The following ERBB4 variants were observed in gnomAD, a reference collection of about 807,000 sequenced individuals.
ERBB4 encodes the protein receptor tyrosine-protein kinase erbB-4.
In ERBB4, 42 loss-of-function variants were observed where a neutral mutation model predicts 158.0. That is an observed-to-expected ratio of 0.27 (90% CI 0.21 to 0.34). ERBB4 has a LOEUF of 0.34. Among genes scored for constraint, ERBB4 ranks in the 10% least tolerant of loss-of-function variants. ERBB4 has a pLI of 1.00. For synonymous variants in ERBB4, 583 were observed against 558.7 expected, an observed-to-expected ratio of 1.04 and a Z score of -0.61; for missense variants, 1,333 against 1,624.1, an observed-to-expected ratio of 0.82 and a Z score of 3.08.
At chr2:212,440,337 C>T (rs763340326) in intron 1 of ERBB4, among the ~76,000 whole-genome samples, 9 of 152,186 alleles carry the variant, frequency 5.9e-5, no homozygotes, top group Non-Finnish European at 1.0e-4. Context: ...ACTGGCCTAG[C>T]ATCCCAGGCT....
intron 16 of ERBB4, among the ~76,000 whole-genome samples, chr2:211,641,418 A>G (rs2070584778): frequency 6.6e-6 from 1 of 152,082 alleles, no homozygotes; most frequent in African/African-American, 2.4e-5. Context: ...AACAAACCTT[A>G]AAAATATTTA....
rs2085975965 is a variant in ERBB4 at position 212,286,599 on chromosome 2, T to TTTTGTTTTGTTTTG, written c.83-161697_83-161696insCAAAACAAAACAAA. Among the ~76,000 whole-genome samples the TTTTGTTTTGTTTTG allele has an allele frequency of 1.6e-4, 13 of 83,852 alleles. 1 individual carries two copies. The highest frequency in any genetic ancestry group is 1.1e-3 in the East Asian group (4 of 3,610). 55.0% of individuals were successfully genotyped at this position (83,852 alleles called of 152,430 possible). On this transcript the variant is annotated intron_variant, in intron 1 of 27. Transcript: ENST00000342788. ...GATGATTACATAAGTGCTGACTTTT[T>TTTTGTTTTGTTTTG]TTTTTTTTTTTTTTTTTTTTTGACA...
intron 9 of ERBB4, among the ~76,000 whole-genome samples, chr2:211,706,324 G>T: frequency 6.6e-6 from 1 of 151,886 alleles, no homozygotes; most frequent in Non-Finnish European, 1.5e-5. Context: ...TTCCTTTTTG[G>T]TATGGCGAAT....
chr2:212,133,837 C>T (rs1020647329), intron 1 of ERBB4, among the ~76,000 whole-genome samples: 2 of 152,106 alleles, frequency 1.3e-5, no homozygotes, highest in Admixed American at 1.3e-4. Flanking sequence ...TAAAAGAGAA[C>T]TAGAATGGAG....
intron 19 of ERBB4, among the ~76,000 whole-genome samples, chr2:211,584,080 G>A (rs1017707079): frequency 6.7e-6 from 1 of 148,998 alleles, no homozygotes; most frequent in African/African-American, 2.5e-5. Flanking sequence ...CAAAAGCCAT[G>A]TCCATTGTGC....
At chr2:212,398,118 G>A (rs2091084142) in intron 1 of ERBB4, among the ~76,000 whole-genome samples, 3 of 120,120 alleles carry the variant, frequency 2.5e-5, no homozygotes, top group Non-Finnish European at 5.3e-5. Context: ...GTGTGTGTGT[G>A]TGTGTATATA....
chr2:212,309,157 A>AAAATAACT (rs2106231392), intron 1 of ERBB4, among the ~76,000 whole-genome samples: 1 of 151,062 alleles, frequency 6.6e-6, no homozygotes, highest in African/African-American at 2.4e-5. Context: ...AATATGGAGA[A>AAAATAACT]AAATAACTAT....
intron 25 of ERBB4, among the ~76,000 whole-genome samples, chr2:211,417,199 A>G (rs1298768115): frequency 6.6e-6 from 1 of 152,136 alleles, no homozygotes; most frequent in Non-Finnish European, 1.5e-5. Flanking sequence ...GAGGCCAGGC[A>G]TGGTGGCTCA....
At chr2:211,675,456 T>C (rs957502053) in intron 13 of ERBB4, among the ~76,000 whole-genome samples, 1 of 152,084 alleles carries the variant, frequency 6.6e-6, no homozygotes, top group African/African-American at 2.4e-5. Context: ...TTATAAAATG[T>C]AAAAAGACTT....
chr2:211,678,939 C>T, intron 13 of ERBB4, 113 bp downstream of exon 13: 1 of 1,034,756 alleles, frequency 9.7e-7, no homozygotes, highest in South Asian at 1.5e-5. Flanking sequence ...TGCACTCCAG[C>T]CAGGGCGACA....
At chr2:211,761,389 G>A (rs1159835973) in intron 4 of ERBB4, among the ~76,000 whole-genome samples, 1 of 152,018 alleles carries the variant, frequency 6.6e-6, no homozygotes, top group African/African-American at 2.4e-5. Flanking sequence ...CGTAATATAT[G>A]CTGTTATCTG....
chr2:212,369,190 G>T (rs1488226819), intron 1 of ERBB4, among the ~76,000 whole-genome samples: 1 of 152,150 alleles, frequency 6.6e-6, no homozygotes, highest in Non-Finnish European at 1.5e-5. Context: ...CATAAAAAGA[G>T]ATTAATTTAT....
At position 211,657,813 on chromosome 2, in the gene ERBB4, A is replaced by G; in HGVS notation, c.1887T>C (p.Thr629=). 1.2e-6 allele frequency: 2 copies of G among 1,613,934 alleles called. No individual in the cohort carries two copies. Among genetic ancestry groups the G allele is most frequent in the Non-Finnish European group, 1.7e-6 (2 of 1,179,812 alleles). ...ATGGGTAGTAAATGCAGTCATGACT[A>G]GTGGGACCGTTACACCTGCAGGCAA... is the stretch of plus-strand genomic sequence containing the variant. ...PNCTQGCNGP[T]SHDCIYYPWT... Residue 629 remains threonine (T), a synonymous_variant, in exon 16 of 28, where the codon ACT becomes ACC. Transcript: ENST00000342788.
At chr2:212,075,722 G>A (rs1255096276) in intron 2 of ERBB4, among the ~76,000 whole-genome samples, 4 of 151,768 alleles carry the variant, frequency 2.6e-5, no homozygotes, top group Non-Finnish European at 2.9e-5. Context: ...GAATTGAAGG[G>A]CAGAATAGTG....
At chr2:211,779,665 C>T (rs1051866980) in intron 4 of ERBB4, 2 of 152,258 alleles carry the variant, frequency 1.3e-5, no homozygotes, top group Non-Finnish European at 2.9e-5. Flanking sequence ...TGCTTCAAAA[C>T]GAAAAGTACT....
intron 1 of ERBB4, among the ~76,000 whole-genome samples, chr2:212,358,170 G>C (rs540685573): frequency 3.3e-5 from 5 of 151,716 alleles, no homozygotes; most frequent in African/African-American, 1.2e-4. Flanking sequence ...TTTTTAAAAA[G>C]AACTATTTAA....
intron 1 of ERBB4, among the ~76,000 whole-genome samples, chr2:212,355,830 A>G (rs1453160385): frequency 2.6e-5 from 4 of 151,996 alleles, no homozygotes; most frequent in Non-Finnish European, 4.4e-5. Flanking sequence ...GTGTATATAT[A>G]TGTGTATATA....
intron 1 of ERBB4, among the ~76,000 whole-genome samples, chr2:212,436,581 C>G (rs2092141331): frequency 6.6e-6 from 1 of 151,994 alleles, no homozygotes; most frequent in South Asian, 2.1e-4. Flanking sequence ...TAAGTCTCAG[C>G]TTCTCTACAT....
chr2:212,538,392 G>C lies in ERBB4; in HGVS notation c.82+57C>G, dbSNP rs372235617. On this transcript the variant is annotated intron_variant, in intron 1 of 27. Coordinates refer to ENST00000342788, the MANE Select transcript of ERBB4 (RefSeq NM_005235.3). ...GGTGAAGAGGGCAGGGGAGCCACTC[G>C]AGGCAGCCCCGCCGGCGGCTGCAGG... The C allele has an allele frequency of 1.6e-4, 246 of 1,502,346 alleles. 7 individuals carry two copies. In the East Asian group the frequency reaches 2.5e-3, roughly 15 times the overall value. The allele number at this position is 1,502,346 out of a possible 1,614,324, so 93.1% of individuals were successfully genotyped here.
Sources: gnomAD v4.1 joint callset for allele counts (sites outside exome capture counted in the v4.1 genomes callset) on GRCh38, gnomAD v4.1.1 for gene constraint, MANE v1.5 for transcripts, NCBI Gene and HGNC (gene_info 2026-07-23, HGNC 2026-07-21) for gene names.